The following TSPAN9 variants were observed in gnomAD, a reference collection of about 807,000 sequenced individuals.
TSPAN9 encodes tetraspanin-9.
In TSPAN9, 16 loss-of-function variants were observed where a neutral mutation model predicts 31.0. That is an observed-to-expected ratio of 0.52 (90% CI 0.35 to 0.78). The LOEUF (loss-of-function observed/expected upper bound fraction) is 0.78, where lower values mean the gene tolerates loss of function less well. Ranked by LOEUF, TSPAN9 falls within the 30% of genes least tolerant of loss-of-function variation. The pLI is 0.01. For missense variants in TSPAN9, 272 were observed against 312.5 expected, an observed-to-expected ratio of 0.87 and a Z score of 0.98; for synonymous variants, 145 against 121.6, an observed-to-expected ratio of 1.19 and a Z score of -1.27.
At chr12:3,090,695 G>T (rs1428871226) in intron 2 of TSPAN9, among the ~76,000 whole-genome samples, 2 of 152,254 alleles carry the variant, frequency 1.3e-5, no homozygotes, top group East Asian at 3.8e-4. Flanking sequence ...GAGGGTATGT[G>T]TGTTCCAGGT....
intron 3 of TSPAN9, among the ~76,000 whole-genome samples, chr12:3,252,914 A>G (rs767271821): frequency 7.2e-5 from 11 of 152,194 alleles, no homozygotes; most frequent in Non-Finnish European, 1.2e-4. Flanking sequence ...ATTTCAGGGC[A>G]GTCTGGAAGA....
intron 2 of TSPAN9, among the ~76,000 whole-genome samples, chr12:3,116,085 C>T (rs544839626): frequency 2.0e-5 from 3 of 152,212 alleles, no homozygotes; most frequent in African/African-American, 7.2e-5. Flanking sequence ...TCGCTATTTT[C>T]TTTTGTAAAA....
chr12:3,252,202 C>G (rs1862255788), intron 3 of TSPAN9, among the ~76,000 whole-genome samples: 1 of 152,222 alleles, frequency 6.6e-6, no homozygotes, highest in South Asian at 2.1e-4. Flanking sequence ...CCAGACGCCT[C>G]TAGTTCCTAC....
chr12:3,142,513 A>T (rs116425893), intron 2 of TSPAN9, among the ~76,000 whole-genome samples: 1 of 152,148 alleles, frequency 6.6e-6, no homozygotes, highest in African/African-American at 2.4e-5. Flanking sequence ...ATGATTATTT[A>T]TTTGACAGGG....
At chr12:3,283,016 T>G (rs1423172721) in intron 8 of TSPAN9, 29 bp from the exon 9 acceptor site, 1 of 1,604,692 alleles carries the variant, frequency 6.2e-7, no homozygotes, top group Non-Finnish European at 8.5e-7. Flanking sequence ...CTGCAGCTCC[T>G]GCCTCAGGCC....
At chr12:3,198,519 C>CCT (rs1491541674) in intron 2 of TSPAN9, among the ~76,000 whole-genome samples, 1 of 112,080 alleles carries the variant, frequency 8.9e-6, no homozygotes, top group Non-Finnish European at 1.8e-5. Context: ...CAGCACAGGT[C>CCT]ACACCAGCAC....
At chr12:3,137,324 C>G (rs2098332587) in intron 2 of TSPAN9, among the ~76,000 whole-genome samples, 1 of 152,198 alleles carries the variant, frequency 6.6e-6, no homozygotes, top group Non-Finnish European at 1.5e-5. Context: ...TCCTGGCTGC[C>G]CCAGGCCTCA....
At chr12:3,144,617 C>T (rs1293136885) in intron 2 of TSPAN9, among the ~76,000 whole-genome samples, 2 of 152,222 alleles carry the variant, frequency 1.3e-5, no homozygotes, top group East Asian at 1.9e-4. Flanking sequence ...CCGTAAATCC[C>T]TACTGTTGAA....
rs61917860 is a variant in TSPAN9 at position 3,153,708 on chromosome 12, C to T, written c.-17-47469C>T. ...TATATATATGTGTGTGCGTGTGTGT[C>T]TGTGGATGTATCTCTGTCTGTTTCT... On this transcript the variant is annotated intron_variant, in intron 2 of 8. Coordinates refer to ENST00000011898, the MANE Select transcript of TSPAN9 (RefSeq NM_006675.5). Among the ~76,000 whole-genome samples, 1,506 of 151,596 alleles carry T rather than the reference C, an allele frequency of 9.9e-3. 13 individuals are homozygous for T. Among genetic ancestry groups the T allele is most frequent in the Non-Finnish European group, 0.017 (1,121 of 67,854 alleles).
At chr12:3,090,094 G>A (rs116571678) in intron 2 of TSPAN9, among the ~76,000 whole-genome samples, 149 of 152,202 alleles carry the variant, frequency 9.8e-4, no homozygotes, top group African/African-American at 3.5e-3. Context: ...GGATAGACTA[G>A]CATCCAGCCG....
At chr12:3,255,381 G>A (rs1025638353) in intron 3 of TSPAN9, among the ~76,000 whole-genome samples, 36 of 152,214 alleles carry the variant, frequency 2.4e-4, no homozygotes, top group African/African-American at 6.8e-4. Context: ...CTCTGCCCAC[G>A]GCCACATCAC....
Position 3,158,721 on chromosome 12 carries a change from CA to C in TSPAN9, c.-17-42434del, listed in dbSNP as rs765787475. On this transcript the variant is annotated intron_variant, in intron 2 of 8. Transcript: ENST00000011898. ...CAGGTGACAGAGCAAGACTCTGTCT[CA>C]AAAAAAAAAAAAAAAAAAAAAGCAT... Among the ~76,000 whole-genome samples, 213 of 57,870 alleles carry C rather than the reference CA, an allele frequency of 3.7e-3. 2 individuals carry two copies. The highest frequency in any genetic ancestry group is 0.014 in the African/African-American group (193 of 13,800). 38.0% of individuals were successfully genotyped at this position (57,870 alleles called of 152,430 possible).
chr12:3,194,033 C>T (rs895274442), intron 2 of TSPAN9, among the ~76,000 whole-genome samples: 1 of 152,164 alleles, frequency 6.6e-6, no homozygotes, highest in African/African-American at 2.4e-5. Context: ...CTGGCTTGGG[C>T]CCCATCCTTT....
At chr12:3,245,188 C>T (rs1051015273) in intron 3 of TSPAN9, among the ~76,000 whole-genome samples, 9 of 152,224 alleles carry the variant, frequency 5.9e-5, no homozygotes, top group African/African-American at 2.2e-4. Flanking sequence ...CTGACCAGAC[C>T]ATCCAAGCGA....
At chr12:3,181,610 T>G (rs1157020357) in intron 2 of TSPAN9, among the ~76,000 whole-genome samples, 1 of 152,086 alleles carries the variant, frequency 6.6e-6, no homozygotes, top group African/African-American at 2.4e-5. Context: ...TGAGCTCATT[T>G]CATCCTAGGA....
At position 3,105,768 on chromosome 12, in the gene TSPAN9, G is replaced by GCA. The variant is rs543090813; in HGVS notation, c.-18+22051_-18+22052dup. On this transcript the variant is annotated intron_variant, in intron 2 of 8. Transcript: ENST00000011898. ...CACACTCACACACACGCACACACGC[G>GCA]CACGCACACACGCTCATACACACTC... 2.7e-3 allele frequency among the ~76,000 whole-genome samples: 77 copies of GCA among 28,568 alleles called. No homozygotes were observed. The South Asian group carries it at 0.12, about 44-fold the overall frequency. 18.7% of individuals were successfully genotyped at this position (28,568 alleles called of 152,430 possible). A position where few individuals can be genotyped will look rare whatever the true frequency, so the allele number is the denominator to read the frequency against.
intron 3 of TSPAN9, among the ~76,000 whole-genome samples, chr12:3,222,966 A>G (rs1176160727): frequency 7.0e-6 from 1 of 142,366 alleles, no homozygotes; most frequent in Non-Finnish European, 1.5e-5. Flanking sequence ...TATCAGGCTA[A>G]GGCAGAGGGG....
rs147649709 is a variant in TSPAN9 at position 3,213,391 on chromosome 12, C to G, written c.63+12135C>G. 9.3e-3 allele frequency among the ~76,000 whole-genome samples: 1,413 copies of G among 152,176 alleles called. 7 individuals carry two copies. The highest frequency in any genetic ancestry group is 0.017 in the Middle Eastern group (5 of 294). On this transcript the variant is annotated intron_variant, in intron 3 of 8. Coordinates refer to ENST00000011898, the MANE Select transcript of TSPAN9 (RefSeq NM_006675.5). ...AGAGCTCATTGGACCCAAATCAGAG[C>G]GACAGCTTGTCAGGCCGATAAGCCT... is the stretch of plus-strand genomic sequence containing the variant.
At chr12:3,239,512 G>T (rs2098395482) in intron 3 of TSPAN9, among the ~76,000 whole-genome samples, 1 of 152,232 alleles carries the variant, frequency 6.6e-6, no homozygotes, top group African/African-American at 2.4e-5. Context: ...GTGTCTGCCA[G>T]GCAGCCGCCA....
Sources: allele counts gnomAD v4.1 joint callset (sites outside exome capture counted in the v4.1 genomes callset), GRCh38; gene constraint gnomAD v4.1.1; transcripts MANE v1.5; gene names NCBI Gene and HGNC (gene_info 2026-07-23, HGNC 2026-07-21).